CRELD2: variants seen among roughly 807,000 people sequenced by gnomAD.
CRELD2 encodes protein disulfide isomerase CRELD2.
A neutral mutation model predicts 48.1 loss-of-function variants in CRELD2; 33 were observed. That is an observed-to-expected ratio of 0.69 (90% CI 0.52 to 0.92). The LOEUF (loss-of-function observed/expected upper bound fraction) is 0.92. Ranked by LOEUF, CRELD2 falls within the 40% of genes least tolerant of loss-of-function variation. The pLI, the probability that CRELD2 is intolerant of heterozygous loss-of-function variation, is 0.00. For synonymous variants in CRELD2, 220 were observed against 203.9 expected, an observed-to-expected ratio of 1.08 and a Z score of -0.67; for missense variants, 477 against 482.4, an observed-to-expected ratio of 0.99 and a Z score of 0.10.
At chr22:49,922,155 G>T in intron 5 of CRELD2, 1 of 947,674 alleles carries the variant, frequency 1.1e-6, no homozygotes, top group South Asian at 1.8e-5. Context: ...TTTCTCCCTG[G>T]TTGTCACTGA....
intron 5 of CRELD2, chr22:49,922,164 GAT>G: frequency 9.8e-7 from 1 of 1,024,796 alleles, no homozygotes. Context: ...GGTTGTCACT[GAT>G]ATGTAGGAAA....
chr22:49,923,722 A>C, intron 7 of CRELD2: 1 of 334,614 alleles, frequency 3.0e-6, no homozygotes, highest in African/African-American at 2.2e-5. Flanking sequence ...TTTTACAACA[A>C]TGTCTGTTGC....
chr22:49,918,808 G>A lies in CRELD2; in HGVS notation c.39G>A (p.Pro13=). ...LPRRAALGLL[P]LLLLLPPAPE... ...GCCGGGCCGCGCTGGGGCTCCTGCC[G>A]CTTCTGCTGCTGCTGCCGCCCGCGC... The change falls in exon 1 of 10, where the codon CCG becomes CCA. Residue 13 remains proline, a synonymous_variant. Coordinates refer to ENST00000328268, the MANE Select transcript of CRELD2 (RefSeq NM_024324.5). 7.5e-7 allele frequency: 1 copy of A among 1,328,914 alleles called. No homozygotes were observed. The highest frequency in any genetic ancestry group is 9.6e-7 in the Non-Finnish European group (1 of 1,043,294). The allele number at this position is 1,328,914 out of a possible 1,614,324, so 82.3% of individuals were successfully genotyped here. A position where few individuals can be genotyped will look rare whatever the true frequency, so the allele number is the denominator to read the frequency against.
At chr22:49,921,402 C>A in intron 4 of CRELD2, 183 bp from the exon 5 acceptor site, 1 of 641,378 alleles carries the variant, frequency 1.6e-6, no homozygotes, top group South Asian at 2.0e-5. Context: ...TCCACTCAGG[C>A]GATCCACCGC....
At chr22:49,920,668 G>A (rs73443974) in intron 4 of CRELD2, among the ~76,000 whole-genome samples, 16,194 of 152,288 alleles carry the variant, frequency 0.11, 1,149 homozygotes, top group African/African-American at 0.19. Context: ...TATCAGGCTG[G>A]GCACATGGCC....
chr22:49,919,372 C>A, intron 2 of CRELD2, 60 bp downstream of exon 2: 2 of 1,493,550 alleles, frequency 1.3e-6, no homozygotes, highest in Non-Finnish European at 1.9e-6. Flanking sequence ...GAAGTCGTGT[C>A]CTGCCTTTGG....
rs768743795 is a variant in CRELD2, at chr22:49,927,325, T to C, written c.*18T>C. 3.7e-6 allele frequency: 6 copies of C among 1,607,198 alleles called. No homozygotes were observed. The Admixed American group carries it at 1.0e-4, about 27-fold the overall frequency. ...ACCTGTAATGTGCCGGACTTACCCT[T>C]TAAATTATTCAGAAGGATGTCCCGT... is the stretch of plus-strand genomic sequence containing the variant. On this transcript the variant is annotated 3_prime_UTR_variant, in exon 10 of 10. Coordinates refer to ENST00000328268, the MANE Select transcript of CRELD2 (RefSeq NM_024324.5).
chr22:49,919,434 C>A, intron 2 of CRELD2, 122 bp downstream of exon 2: 1 of 881,856 alleles, frequency 1.1e-6, no homozygotes, highest in Non-Finnish European at 1.8e-6. Context: ...ACCAGTCACC[C>A]GTCCGAGTCA....
intron 4 of CRELD2, among the ~76,000 whole-genome samples, chr22:49,920,834 C>CA (rs1431533913): frequency 4.6e-5 from 7 of 152,246 alleles, no homozygotes; most frequent in African/African-American, 1.4e-4. Flanking sequence ...CGCCCACCAT[C>CA]AGCCTTCTGC....
chr22:49,922,831 G>T (rs2060709926), intron 6 of CRELD2, 124 bp downstream of exon 6: 1 of 151,586 alleles, frequency 6.6e-6, no homozygotes, highest in African/African-American at 2.9e-5. Context: ...GAAGTGTGGG[G>T]GCGTGAGGTG....
In CRELD2 at chr22:49,924,465, G is replaced by C; in HGVS notation, c.868+10G>C. On this transcript the variant is annotated intron_variant, in intron 8 of 9. Transcript: ENST00000328268. ...CACGGACAGTGTGCAGGTCAGTGAC[G>C]GGGTCTGTGCTGGACGCTGGTGGAC... 1 of 1,587,726 alleles carries C rather than the reference G, an allele frequency of 6.3e-7. No homozygotes were observed. Among genetic ancestry groups the C allele is most frequent in the South Asian group, 1.1e-5 (1 of 88,018 alleles).
chr22:49,921,057 G>A (rs9616392), intron 4 of CRELD2, among the ~76,000 whole-genome samples: 35,050 of 152,172 alleles, frequency 0.23, 4,471 homozygotes, highest in African/African-American at 0.34. Context: ...ACATCACAGC[G>A]TGCACTCCAC....
chr22:49,922,817 G>C (rs1484910906), intron 6 of CRELD2, 110 bp downstream of exon 6: 1 of 120,002 alleles, frequency 8.3e-6, no homozygotes, highest in Non-Finnish European at 1.8e-5. Context: ...AGGCAGGGGG[G>C]CGTGAAGTGT....
At chr22:49,924,558 C>A in intron 8 of CRELD2, 103 bp downstream of exon 8, 1 of 822,176 alleles carries the variant, frequency 1.2e-6, no homozygotes, top group Non-Finnish European at 2.0e-6. Flanking sequence ...CAGTTGAGAC[C>A]CGTCCTGCAG....
intron 7 of CRELD2, 37 bp from the exon 8 acceptor site, chr22:49,924,323 G>C: frequency 3.3e-6 from 5 of 1,515,052 alleles, no homozygotes; most frequent in Non-Finnish European, 4.6e-6. Context: ...CTGGTGCCTT[G>C]TGCATGTCGG....
At chr22:49,924,726 C>T in intron 8 of CRELD2, 2 of 287,352 alleles carry the variant, frequency 7.0e-6, no homozygotes, top group South Asian at 4.6e-5. Flanking sequence ...GGTCCACCGC[C>T]TCTGCTCTCC....
chr22:49,925,450 G>T lies in CRELD2; in HGVS notation c.902G>T (p.Cys301Phe), dbSNP rs1470164794. Residue 301 changes from cysteine (C) to phenylalanine (F), a missense_variant, in exon 9 of 10, where the codon TGT (cysteine) becomes TTT (phenylalanine). Transcript: ENST00000328268. ...VDECSLAEKT[C>F]VRKNENCYNT... ...GAGTGCTCACTAGCAGAAAAAACCT[G>T]TGTGAGGAAAAACGAAAACTGCTAC... 17 of 1,613,542 alleles carry T rather than the reference G, an allele frequency of 1.1e-5. No homozygotes were observed. Among genetic ancestry groups the T allele is most frequent in the Non-Finnish European group, 1.4e-5 (17 of 1,179,716 alleles).
intron 1 of CRELD2, 62 bp downstream of exon 1, chr22:49,918,960 G>T: frequency 7.8e-7 from 1 of 1,288,834 alleles, no homozygotes; most frequent in Non-Finnish European, 1.0e-6. Context: ...CCCTGCATCC[G>T]GGGTCGCCCC....
intron 7 of CRELD2, chr22:49,923,642 T>C: frequency 2.1e-6 from 1 of 480,038 alleles, no homozygotes; most frequent in South Asian, 2.1e-5. Context: ...ACTCAGCAGC[T>C]TGTTGCGAAC....
Sources: gnomAD v4.1 joint callset for allele counts (sites outside exome capture counted in the v4.1 genomes callset) on GRCh38, gnomAD v4.1.1 for gene constraint, MANE v1.5 for transcripts, NCBI Gene and HGNC (gene_info 2026-07-23, HGNC 2026-07-21) for gene names.